Variants in PPP2R2B observed in about 807,000 individuals in gnomAD.
PPP2R2B encodes the protein serine/threonine-protein phosphatase 2A 55 kDa regulatory subunit B beta isoform.
PPP2R2B carries 5 observed loss-of-function variants against 46.0 expected under a neutral mutation model. That is an observed-to-expected ratio of 0.11 (90% CI 0.06 to 0.23). PPP2R2B has a LOEUF of 0.23. Among genes scored for constraint, PPP2R2B ranks in the 10% least tolerant of loss-of-function variants. The pLI, the probability that PPP2R2B is intolerant of heterozygous loss-of-function variation, is 1.00. For missense variants in PPP2R2B, 367 were observed against 575.0 expected (o/e 0.64, Z 3.70); for synonymous variants, 215 against 206.7 (o/e 1.04, Z -0.34).
intron 7 of PPP2R2B, among the ~76,000 whole-genome samples, chr5:146,602,974 A>G (rs1354905686): frequency 1.3e-5 from 2 of 152,246 alleles, no homozygotes; most frequent in Admixed American, 1.3e-4. Context: ...AATTCCAAGT[A>G]AAACACCTGA....
intron 1 of PPP2R2B, among the ~76,000 whole-genome samples, chr5:146,921,519 CT>C (rs1360897032): frequency 6.6e-6 from 1 of 152,288 alleles, no homozygotes; most frequent in Admixed American, 6.5e-5. Context: ...CTCTTACAAG[CT>C]TTTACTGACA....
intron 2 of PPP2R2B, among the ~76,000 whole-genome samples, chr5:146,844,660 C>G (rs540734962): frequency 6.6e-6 from 1 of 152,356 alleles, no homozygotes; most frequent in Non-Finnish European, 1.5e-5. Context: ...ACCCTGAACA[C>G]TGAAAGTATG....
At chr5:146,720,286 C>G (rs1216748006) in intron 2 of PPP2R2B, among the ~76,000 whole-genome samples, 1 of 152,180 alleles carries the variant, frequency 6.6e-6, no homozygotes, top group Non-Finnish European at 1.5e-5. Context: ...AAAAAACAGT[C>G]AAATCACAAC....
rs146898210 is a variant in PPP2R2B, at chr5:146,581,146, G to A, written c.*8801C>T. 32 of 152,302 alleles carry A rather than the reference G, an allele frequency of 2.1e-4. No homozygotes were observed. In the East Asian group the frequency reaches 2.7e-3, roughly 13 times the overall value. 9.4% of individuals were successfully genotyped at this position (152,302 alleles called of 1,614,324 possible). A position where few individuals can be genotyped will look rare whatever the true frequency, so the allele number is the denominator to read the frequency against. ...AGAAAAACCCGAGACTGGGTAATTT[G>A]TAAAGGAATGAGGTTTAATTGGCTC... On this transcript the variant is annotated 3_prime_UTR_variant, in exon 10 of 10. Transcript: ENST00000394411.
chr5:146,992,362 A>G (rs1486568756), intron 1 of PPP2R2B, among the ~76,000 whole-genome samples: 1 of 152,236 alleles, frequency 6.6e-6, no homozygotes, highest in Non-Finnish European at 1.5e-5. Context: ...GTTCTCTTTC[A>G]GCACTTGAAA....
At chr5:147,003,003 A>G (rs1398934059) in intron 1 of PPP2R2B, among the ~76,000 whole-genome samples, 1 of 152,084 alleles carries the variant, frequency 6.6e-6, no homozygotes, top group Non-Finnish European at 1.5e-5. Flanking sequence ...CCTGGCCCCA[A>G]TATTCTCTCT....
At chr5:146,939,876 T>C (rs1764267134) in intron 1 of PPP2R2B, among the ~76,000 whole-genome samples, 1 of 152,222 alleles carries the variant, frequency 6.6e-6, no homozygotes, top group Admixed American at 6.5e-5. Flanking sequence ...GCTCAGCTCA[T>C]GTACAAGTTT....
intron 2 of PPP2R2B, among the ~76,000 whole-genome samples, chr5:146,869,955 T>A (rs1761517983): frequency 6.6e-6 from 1 of 152,142 alleles, no homozygotes; most frequent in South Asian, 2.1e-4. Flanking sequence ...CTGGTGGTAT[T>A]TTGTACTTAG....
chr5:146,995,299 T>C (rs935617924), intron 1 of PPP2R2B, among the ~76,000 whole-genome samples: 6 of 152,310 alleles, frequency 3.9e-5, no homozygotes, highest in African/African-American at 1.4e-4. Flanking sequence ...CCCCAGTACT[T>C]GCCCAGTTTC....
At chr5:146,640,452 C>T (rs552447132) in intron 6 of PPP2R2B, among the ~76,000 whole-genome samples, 161 of 152,330 alleles carry the variant, frequency 1.1e-3, no homozygotes, top group African/African-American at 3.6e-3. Flanking sequence ...GCTGCAGCTC[C>T]GGTGCTCTCT....
intron 1 of PPP2R2B, chr5:146,919,362 T>G (rs1763510313): frequency 6.6e-6 from 1 of 152,216 alleles, no homozygotes; most frequent in South Asian, 2.1e-4. Flanking sequence ...TGATTTAATA[T>G]CTTTCTGCAC....
intron 7 of PPP2R2B, 82 bp from the exon 8 acceptor site, chr5:146,600,542 A>G: frequency 7.1e-7 from 1 of 1,398,752 alleles, no homozygotes; most frequent in Non-Finnish European, 9.8e-7. Flanking sequence ...TAGGAAGCTG[A>G]CAGTGTAACT....
intron 5 of PPP2R2B, among the ~76,000 whole-genome samples, chr5:146,676,982 C>T (rs1777770227): frequency 6.6e-6 from 1 of 152,122 alleles, no homozygotes; most frequent in Admixed American, 6.6e-5. Flanking sequence ...TAATGATAAC[C>T]AAGTGTGGCT....
chr5:146,969,702 G>T (rs749412604), intron 1 of PPP2R2B, among the ~76,000 whole-genome samples: 1 of 152,220 alleles, frequency 6.6e-6, no homozygotes, highest in Non-Finnish European at 1.5e-5. Flanking sequence ...CAAAGTGATT[G>T]ATTATTTGTG....
At chr5:146,671,336 T>C (rs1320126728) in intron 5 of PPP2R2B, among the ~76,000 whole-genome samples, 1 of 152,206 alleles carries the variant, frequency 6.6e-6, no homozygotes, top group Admixed American at 6.5e-5. Context: ...GGTTGTCCAG[T>C]GTTATTTCAC....
Position 146,719,204 on chromosome 5 carries a change from C to G in PPP2R2B, c.71-18062G>C, listed in dbSNP as rs1431984111. Among the ~76,000 whole-genome samples, 4 of 152,318 alleles carry G rather than the reference C, an allele frequency of 2.6e-5. No individual in the cohort carries two copies. In the East Asian group the frequency reaches 7.7e-4, roughly 29 times the overall value. On this transcript the variant is annotated intron_variant, in intron 2 of 9. Transcript: ENST00000394411. ...CTTGGGTTTATTATTTAACCTCTCT[C>G]TCTGCCCCCTACTTATTTAATCTGC...
At chr5:146,735,993 G>A (rs1031264017) in intron 2 of PPP2R2B, among the ~76,000 whole-genome samples, 1 of 152,320 alleles carries the variant, frequency 6.6e-6, no homozygotes, top group Admixed American at 6.5e-5. Context: ...ATCTCATCTT[G>A]AATTGTAGTT....
chr5:146,741,118 C>T (rs774466243), intron 2 of PPP2R2B, among the ~76,000 whole-genome samples: 2 of 152,014 alleles, frequency 1.3e-5, no homozygotes, highest in African/African-American at 2.4e-5. Context: ...TCTAGGCATC[C>T]GCAATTTGAA....
intron 5 of PPP2R2B, among the ~76,000 whole-genome samples, chr5:146,689,133 T>C (rs2151149391): frequency 6.6e-6 from 1 of 152,296 alleles, no homozygotes; most frequent in Non-Finnish European, 1.5e-5. Context: ...ATGTTATTAA[T>C]ACTAAAACAA....
Sources: allele counts gnomAD v4.1 joint callset (sites outside exome capture counted in the v4.1 genomes callset), GRCh38; gene constraint gnomAD v4.1.1; transcripts MANE v1.5; gene names NCBI Gene and HGNC (gene_info 2026-07-23, HGNC 2026-07-21).